DKK3: variants seen among roughly 807,000 people sequenced by gnomAD.
DKK3 encodes dickkopf-related protein 3.
In DKK3, 22 loss-of-function variants were observed where a neutral mutation model predicts 33.2. The observed-to-expected ratio is 0.66, with a 90% CI of 0.47 to 0.95. The LOEUF (loss-of-function observed/expected upper bound fraction) is 0.95. DKK3 is among the 40% of genes least tolerant of loss of function. The pLI is 0.00. For missense variants in DKK3, 398 were observed against 458.4 expected (o/e 0.87, Z 1.20); for synonymous variants, 194 against 188.8 (o/e 1.03, Z -0.23).
chr11:12,006,832 C>G (rs967396945), intron 1 of DKK3, among the ~76,000 whole-genome samples: 3 of 152,178 alleles, frequency 2.0e-5, no homozygotes, highest in Admixed American at 2.0e-4. Context: ...ATAGAGGTGA[C>G]TTAGTCAGTC....
intron 3 of DKK3, among the ~76,000 whole-genome samples, chr11:11,984,650 T>C (rs1483345090): frequency 2.7e-5 from 3 of 112,060 alleles, no homozygotes; most frequent in African/African-American, 8.4e-5. Flanking sequence ...TTGCTCAATT[T>C]CCTTTAAAAA....
At chr11:12,004,369 GA>G (rs1378529008) in intron 1 of DKK3, among the ~76,000 whole-genome samples, 3 of 152,184 alleles carry the variant, frequency 2.0e-5, no homozygotes, top group African/African-American at 7.2e-5. Context: ...GAGTAGATCA[GA>G]AAGAGAGGGG....
rs1333193399 is a variant in DKK3 at position 11,963,324 on chromosome 11, A to G, written c.*1140T>C. ...GTCGCATATTACAACCATGTTTCACACAGCCCTGCTCGGTTTGATTTTCTC... is the reference window on the plus strand; with the variant it reads ...GTCGCATATTACAACCATGTTTCACGCAGCCCTGCTCGGTTTGATTTTCTC... On this transcript the variant is annotated 3_prime_UTR_variant, in exon 7 of 7. Coordinates refer to ENST00000683431, the MANE Select transcript of DKK3 (RefSeq NM_001018057.2). The G allele has an allele frequency of 6.6e-6, 1 of 152,508 alleles. No homozygotes were observed. Among genetic ancestry groups the G allele is most frequent in the Non-Finnish European group, 1.5e-5 (1 of 68,048 alleles). 9.4% of individuals were successfully genotyped at this position (152,508 alleles called of 1,614,324 possible).
At chr11:12,001,387 C>G (rs886992273) in intron 2 of DKK3, among the ~76,000 whole-genome samples, 1 of 152,200 alleles carries the variant, frequency 6.6e-6, no homozygotes, top group Non-Finnish European at 1.5e-5. Context: ...AAAAATTGAT[C>G]CCCTGTGCTC....
intron 1 of DKK3, among the ~76,000 whole-genome samples, chr11:12,004,700 A>C (rs956944158): frequency 6.6e-6 from 1 of 152,256 alleles, no homozygotes. Context: ...TTGAGTAGAT[A>C]TAAGAATTAA....
chr11:11,967,102 C>G lies in DKK3; in HGVS notation c.529-4G>C, dbSNP rs761975705. 5.0e-6 allele frequency: 8 copies of G among 1,612,832 alleles called. No homozygotes were observed. Among genetic ancestry groups the G allele is most frequent in the Non-Finnish European group, 6.8e-6 (8 of 1,179,568 alleles). On this transcript the variant is annotated splice_region_variant and splice_polypyrimidine_tract_variant and intron_variant, in intron 4 of 6. Transcript: ENST00000683431. ...ACTCACTGTCCCGGGTGCAGAGCTG[C>G]AGACAGGTGGAAAGAGCCTAGAGCC...
upstream of DKK3, chr11:12,009,016 C>T (rs1388793609): frequency 1.0e-6 from 1 of 992,454 alleles, no homozygotes; most frequent in Non-Finnish European, 1.2e-6. Context: ...CCACTTCCAC[C>T]TCAAGCCTCT....
rs192754806 is a variant in DKK3, at chr11:12,003,778, A to G, written c.214-1341T>C. On this transcript the variant is annotated intron_variant, in intron 1 of 6. Coordinates refer to ENST00000683431, the MANE Select transcript of DKK3 (RefSeq NM_001018057.2). ...AAGAATGCTCAAAAAGTATTTTCCT[A>G]TTTAAAAAAATCACTGTCCTCTATC... Among the ~76,000 whole-genome samples, 611 of 151,972 alleles carry G rather than the reference A, an allele frequency of 4.0e-3. 3 individuals are homozygous for G. The highest frequency in any genetic ancestry group is 0.014 in the African/African-American group (593 of 41,430).
intron 3 of DKK3, among the ~76,000 whole-genome samples, chr11:11,987,191 TC>T (rs1370505900): frequency 3.3e-5 from 5 of 152,184 alleles, no homozygotes; most frequent in Admixed American, 6.5e-5. Flanking sequence ...CTAAATTTTT[TC>T]CCTGGGCCTG....
intron 2 of DKK3, among the ~76,000 whole-genome samples, chr11:12,000,260 A>T (rs1223344412): frequency 2.0e-5 from 3 of 152,118 alleles, no homozygotes; most frequent in Non-Finnish European, 2.9e-5. Flanking sequence ...GCTGGAGTAC[A>T]GTTGCGATGA....
At position 11,977,246 on chromosome 11, in the gene DKK3, G is replaced by A. The variant is rs1171835524; in HGVS notation, c.436-8759C>T. 1.3e-5 allele frequency among the ~76,000 whole-genome samples: 2 copies of A among 151,894 alleles called. 1 individual carries two copies. The highest frequency in any genetic ancestry group is 1.3e-4 in the Admixed American group (2 of 15,260). On this transcript the variant is annotated intron_variant, in intron 3 of 6. Coordinates refer to ENST00000683431, the MANE Select transcript of DKK3 (RefSeq NM_001018057.2). ...TGCCTGTCATGCCTTCCTTAATCAG[G>A]AAAGAGTCCTGGAGTTCTCTCTCTC...
chr11:11,996,544 A>G (rs968317863), intron 3 of DKK3, among the ~76,000 whole-genome samples: 1 of 152,160 alleles, frequency 6.6e-6, no homozygotes, highest in African/African-American at 2.4e-5. Context: ...AAAAGTCTCC[A>G]ATCTGTTCTC....
In DKK3 at chr11:12,002,447, C is replaced by A. The variant is rs754087076; in HGVS notation, c.214-10G>T. 5.0e-6 allele frequency: 8 copies of A among 1,607,240 alleles called. No homozygotes were observed. The highest frequency in any genetic ancestry group is 6.8e-6 in the Non-Finnish European group (8 of 1,176,208). ...CTTCTTCTGCCTCCATCTATTAAAT[C>A]GATGAATTTAATGAGCAAAATTATT... On this transcript the variant is annotated splice_polypyrimidine_tract_variant and intron_variant, in intron 1 of 6. Transcript: ENST00000683431.
chr11:11,992,569 T>C (rs911596525), intron 3 of DKK3, among the ~76,000 whole-genome samples: 1 of 152,166 alleles, frequency 6.6e-6, no homozygotes, highest in Non-Finnish European at 1.5e-5. Flanking sequence ...ACCTCCCTAA[T>C]CACCTCACAC....
chr11:11,967,016 T>G lies in DKK3; in HGVS notation c.611A>C (p.Asn204Thr). ...CCTCTGGTTGTCACAGATGGTCCCATTGCTGCCCCTGGTGGCCATTTTGGT... is the reference window on the plus strand; with the variant it reads ...CCTCTGGTTGTCACAGATGGTCCCAGTGCTGCCCCTGGTGGCCATTTTGGT... ...HCTKMATRGSNGTICDNQRDC... is the reference protein window; with the variant it reads ...HCTKMATRGSTGTICDNQRDC... The change falls in exon 5 of 7, where the codon AAT (asparagine) becomes ACT (threonine). Residue 204 changes from asparagine to threonine, a missense_variant. Coordinates refer to ENST00000683431, the MANE Select transcript of DKK3 (RefSeq NM_001018057.2). 1 of 1,614,004 alleles carries G rather than the reference T, an allele frequency of 6.2e-7. No individual in the cohort carries two copies. The highest frequency in any genetic ancestry group is 1.1e-5 in the South Asian group (1 of 91,068).
In DKK3 at chr11:11,964,187, A is replaced by G; in HGVS notation, c.*277T>C. 2.2e-6 allele frequency: 1 copy of G among 452,312 alleles called. No individual in the cohort carries two copies. Among genetic ancestry groups the G allele is most frequent in the Non-Finnish European group, 3.9e-6 (1 of 253,442 alleles). 28.0% of individuals were successfully genotyped at this position (452,312 alleles called of 1,614,324 possible). ...ATGTAGAACAAACGGCTGTCTGCCA[A>G]CTGGTAGAGGCAAAGCAGCCAATAA... On this transcript the variant is annotated 3_prime_UTR_variant, in exon 7 of 7. Transcript: ENST00000683431.
chr11:11,985,180 G>A (rs766212238), intron 3 of DKK3, among the ~76,000 whole-genome samples: 2 of 152,122 alleles, frequency 1.3e-5, no homozygotes, highest in Non-Finnish European at 2.9e-5. Flanking sequence ...CCCTGGAGCC[G>A]CCCATCCTCA....
chr11:12,002,139 C>T (rs1848441557), intron 2 of DKK3, 161 bp downstream of exon 2: 7 of 786,990 alleles, frequency 8.9e-6, no homozygotes, highest in Non-Finnish European at 1.3e-5. Flanking sequence ...TCTCCACTTT[C>T]AACAGTAACA....
intron 2 of DKK3, among the ~76,000 whole-genome samples, chr11:11,999,181 T>C (rs972602618): frequency 1.3e-5 from 2 of 152,214 alleles, no homozygotes; most frequent in Non-Finnish European, 2.9e-5. Context: ...ACATCTTTCA[T>C]GAAAAGCAAG....
Sources: gnomAD v4.1 joint callset for allele counts (sites outside exome capture counted in the v4.1 genomes callset) on GRCh38, gnomAD v4.1.1 for gene constraint, MANE v1.5 for transcripts, NCBI Gene and HGNC (gene_info 2026-07-23, HGNC 2026-07-21) for gene names.